Variants in SPOCK3 observed in about 807,000 individuals in gnomAD.
SPOCK3 encodes testican-3.
Under a neutral mutation model 56.6 loss-of-function variants are expected in SPOCK3, and 30 were observed. That is an observed-to-expected ratio of 0.53 (90% CI 0.40 to 0.72). The LOEUF (loss-of-function observed/expected upper bound fraction) is 0.72. SPOCK3 is among the 30% of genes least tolerant of loss of function. The probability of loss-of-function intolerance (pLI) is 0.00; values close to 1 mark genes in which losing one functional copy is unlikely to be tolerated. For missense variants in SPOCK3, 527 were observed against 530.0 expected, an observed-to-expected ratio of 0.99 and a Z score of 0.06; for synonymous variants, 196 against 183.3, an observed-to-expected ratio of 1.07 and a Z score of -0.56.
rs141553088 is a variant in SPOCK3, at chr4:167,066,185, C to A, written c.190-3648G>T. Among the ~76,000 whole-genome samples the A allele has an allele frequency of 7.2e-5, 11 of 151,842 alleles. No homozygotes were observed. The East Asian group carries it at 2.1e-3, about 30-fold the overall frequency. ...TCTAATTTTAAATAAAATATATGTG[C>A]ACTTTATTGAGCACACCTATGTATT... On this transcript the variant is annotated intron_variant, in intron 2 of 10. Transcript: ENST00000357545.
At chr4:166,839,206 C>A (rs1372003575) in intron 6 of SPOCK3, among the ~76,000 whole-genome samples, 1 of 152,112 alleles carries the variant, frequency 6.6e-6, no homozygotes, top group Non-Finnish European at 1.5e-5. Flanking sequence ...CTCATTACTG[C>A]CAGGTGGTGT....
At chr4:166,854,385 TTAAC>T (rs1730442491) in intron 6 of SPOCK3, among the ~76,000 whole-genome samples, 1 of 152,222 alleles carries the variant, frequency 6.6e-6, no homozygotes, top group South Asian at 2.1e-4. Context: ...AAATCCTGAT[TTAAC>T]TAACAGATTA....
intron 3 of SPOCK3, among the ~76,000 whole-genome samples, chr4:167,029,231 C>T (rs903936666): frequency 6.6e-6 from 1 of 151,432 alleles, no homozygotes; most frequent in Non-Finnish European, 1.5e-5. Context: ...TCATTAATCA[C>T]ACCAACTACT....
intron 2 of SPOCK3, among the ~76,000 whole-genome samples, chr4:167,207,389 C>G (rs1734451736): frequency 6.6e-6 from 1 of 151,712 alleles, no homozygotes; most frequent in Non-Finnish European, 1.5e-5. Context: ...TAACAGAATA[C>G]TGTCTAACTT....
intron 2 of SPOCK3, among the ~76,000 whole-genome samples, chr4:167,092,031 T>C (rs1321749624): frequency 1.3e-5 from 2 of 152,272 alleles, no homozygotes; most frequent in South Asian, 4.1e-4. Flanking sequence ...AGCTCTGGTC[T>C]GTAGCTCCCA....
rs552954138 is a variant in SPOCK3, at chr4:166,767,635, C to T, written c.710-12906G>A. Among the ~76,000 whole-genome samples the T allele has an allele frequency of 1.5e-3, 227 of 152,164 alleles. 1 individual carries two copies. The South Asian group carries it at 0.02, about 13-fold the overall frequency. On this transcript the variant is annotated intron_variant, in intron 7 of 10. Transcript: ENST00000357545. ...TAAGTGGTGAATTTTGGAATAAGTG[C>T]CATGTGGTGCTGAGAAGAATGTATA...
At chr4:167,196,959 C>T (rs1162257794) in intron 2 of SPOCK3, among the ~76,000 whole-genome samples, 1 of 152,090 alleles carries the variant, frequency 6.6e-6, no homozygotes, top group Non-Finnish European at 1.5e-5. Flanking sequence ...TGCCATATAA[C>T]AGAAGCTAAT....
intron 3 of SPOCK3, among the ~76,000 whole-genome samples, chr4:167,021,096 T>C (rs1436301221): frequency 1.3e-5 from 2 of 152,070 alleles, no homozygotes; most frequent in East Asian, 1.9e-4. Flanking sequence ...GCTGTGTCAC[T>C]CATTGAATAA....
At chr4:166,782,591 A>G (rs1350046883) in intron 7 of SPOCK3, among the ~76,000 whole-genome samples, 1 of 152,174 alleles carries the variant, frequency 6.6e-6, no homozygotes, top group Non-Finnish European at 1.5e-5. Context: ...AACTAAAGTC[A>G]TTCAAAGTCT....
intron 2 of SPOCK3, among the ~76,000 whole-genome samples, chr4:167,065,916 C>T (rs540817182): frequency 1.3e-4 from 20 of 151,750 alleles, no homozygotes; most frequent in Non-Finnish European, 2.7e-4. Context: ...TGGGTTTAAA[C>T]GACTGAAACC....
At chr4:167,159,964 C>T (rs990951507) in intron 2 of SPOCK3, among the ~76,000 whole-genome samples, 4 of 152,066 alleles carry the variant, frequency 2.6e-5, no homozygotes, top group Admixed American at 1.3e-4. Context: ...GGAAGCATTC[C>T]CTTTGAAAAC....
intron 2 of SPOCK3, among the ~76,000 whole-genome samples, chr4:167,086,278 C>T (rs966477051): frequency 6.6e-6 from 1 of 151,962 alleles, no homozygotes; most frequent in African/African-American, 2.4e-5. Context: ...GCAAAATGAA[C>T]CACATTTTAA....
intron 2 of SPOCK3, among the ~76,000 whole-genome samples, chr4:167,219,165 G>C (rs528233059): frequency 1.3e-5 from 2 of 152,170 alleles, no homozygotes; most frequent in Non-Finnish European, 2.9e-5. Flanking sequence ...AGGGACATCC[G>C]AGGAGAATAT....
intron 6 of SPOCK3, among the ~76,000 whole-genome samples, chr4:166,831,293 G>A (rs1488759336): frequency 6.6e-6 from 1 of 152,170 alleles, no homozygotes; most frequent in Admixed American, 6.5e-5. Flanking sequence ...CTCATAAGGG[G>A]AGCTGGCATG....
intron 4 of SPOCK3, among the ~76,000 whole-genome samples, chr4:166,961,125 A>C (rs10027002): frequency 0.012 from 1,824 of 152,272 alleles, 41 homozygotes; most frequent in African/African-American, 0.042. Context: ...AAAACATTTT[A>C]AAAAACTGTC....
chr4:167,221,591 A>G (rs76609309), intron 2 of SPOCK3, among the ~76,000 whole-genome samples: 3,757 of 152,286 alleles, frequency 0.025, 150 homozygotes, highest in African/African-American at 0.085. Flanking sequence ...ATGATTGTTA[A>G]AAGATTTTAC....
intron 2 of SPOCK3, among the ~76,000 whole-genome samples, chr4:167,208,047 A>G (rs1203239039): frequency 6.6e-6 from 1 of 152,134 alleles, no homozygotes; most frequent in African/African-American, 2.4e-5. Context: ...TCTGATTTGA[A>G]GACCACCCCT....
At chr4:167,218,420 T>C (rs958851000) in intron 2 of SPOCK3, among the ~76,000 whole-genome samples, 9 of 152,122 alleles carry the variant, frequency 5.9e-5, no homozygotes, top group African/African-American at 2.2e-4. Flanking sequence ...GCAAACAGCA[T>C]ATTCAATAAA....
chr4:166,984,414 T>C (rs1187157522), intron 4 of SPOCK3, among the ~76,000 whole-genome samples: 1 of 152,132 alleles, frequency 6.6e-6, no homozygotes, highest in Non-Finnish European at 1.5e-5. Context: ...CTTCCTCTTG[T>C]AGCTGAAAAA....
Sources: allele counts gnomAD v4.1 joint callset (sites outside exome capture counted in the v4.1 genomes callset), GRCh38; gene constraint gnomAD v4.1.1; transcripts MANE v1.5; gene names NCBI Gene and HGNC (gene_info 2026-07-23, HGNC 2026-07-21).